The following COL13A1 variants were observed in gnomAD, a reference collection of about 807,000 sequenced individuals.
The protein encoded by COL13A1 is collagen alpha-1(XIII) chain.
Under a neutral mutation model 130.9 loss-of-function variants are expected in COL13A1, and 89 were observed. The observed-to-expected ratio is 0.68, with a 90% CI of 0.57 to 0.81. The LOEUF is 0.81. Among genes scored for constraint, COL13A1 ranks in the 30% least tolerant of loss-of-function variants. The pLI, the probability that COL13A1 is intolerant of heterozygous loss-of-function variation, is 0.00. For missense variants in COL13A1, 879 were observed against 934.6 expected, an observed-to-expected ratio of 0.94 and a Z score of 0.78; for synonymous variants, 402 against 341.6, an observed-to-expected ratio of 1.18 and a Z score of -1.95.
chr10:69,829,805 T>G (rs1185843113), intron 2 of COL13A1, among the ~76,000 whole-genome samples: 1 of 152,236 alleles, frequency 6.6e-6, no homozygotes, highest in Non-Finnish European at 1.5e-5. Context: ...GCTAAAATGC[T>G]CCACCATCTG....
At chr10:69,903,698 CCTT>C (rs2062436756) in intron 15 of COL13A1, among the ~76,000 whole-genome samples, 1 of 152,156 alleles carries the variant, frequency 6.6e-6, no homozygotes, top group African/African-American at 2.4e-5. Flanking sequence ...ACCTGTTTTT[CCTT>C]CTTATGACAA....
intron 26 of COL13A1, among the ~76,000 whole-genome samples, chr10:69,926,566 T>C (rs1287161792): frequency 6.6e-6 from 1 of 152,252 alleles, no homozygotes; most frequent in Non-Finnish European, 1.5e-5. Flanking sequence ...TCTGTGTCCG[T>C]ATGTGACTCC....
chr10:69,927,644 C>T (rs905977542), intron 27 of COL13A1, among the ~76,000 whole-genome samples: 1 of 152,124 alleles, frequency 6.6e-6, no homozygotes, highest in African/African-American at 2.4e-5. Flanking sequence ...TGACTACCAC[C>T]AAGTTTAACT....
intron 2 of COL13A1, among the ~76,000 whole-genome samples, chr10:69,834,106 G>C (rs967929351): frequency 6.6e-6 from 1 of 152,286 alleles, no homozygotes; most frequent in Admixed American, 6.5e-5. Context: ...TCCATGTATG[G>C]GGATGGGGGG....
intron 2 of COL13A1, among the ~76,000 whole-genome samples, chr10:69,858,623 G>T (rs146209402): frequency 7.9e-5 from 12 of 152,334 alleles, no homozygotes; most frequent in Non-Finnish European, 1.6e-4. Context: ...TTCGTGATCA[G>T]TCCTCACTGG....
chr10:69,907,227 A>G (rs1423509757), intron 17 of COL13A1, among the ~76,000 whole-genome samples: 4 of 152,322 alleles, frequency 2.6e-5, no homozygotes, highest in African/African-American at 7.2e-5. Flanking sequence ...CAGAAACTGC[A>G]TTATTTTTAG....
At chr10:69,923,970 C>T in intron 24 of COL13A1, 115 bp downstream of exon 24, 2 of 1,361,608 alleles carry the variant, frequency 1.5e-6, no homozygotes, top group Non-Finnish European at 1.0e-6. Flanking sequence ...CCGGCCATGA[C>T]CACTGGCTTC....
At chr10:69,831,430 G>T (rs1249192602) in intron 2 of COL13A1, among the ~76,000 whole-genome samples, 1 of 152,140 alleles carries the variant, frequency 6.6e-6, no homozygotes, top group African/African-American at 2.4e-5. Flanking sequence ...CACAGCTGGG[G>T]GCCCTTTTTC....
chr10:69,813,327 G>A lies in COL13A1; in HGVS notation c.295-9042G>A, dbSNP rs61204432. ...CTGGGGCCCGGTTCCTTGACTCCTT[G>A]CGGCAGTAGCAGGGCCTTGGGTTAG... On this transcript the variant is annotated intron_variant, in intron 1 of 40. Transcript: ENST00000645393. Among the ~76,000 whole-genome samples the A allele has an allele frequency of 5.4e-4, 82 of 152,244 alleles. 2 individuals carry two copies. In the East Asian group the frequency reaches 0.016, roughly 29 times the overall value.
At chr10:69,812,470 T>C (rs1843313988) in intron 1 of COL13A1, among the ~76,000 whole-genome samples, 1 of 152,184 alleles carries the variant, frequency 6.6e-6, no homozygotes, top group Non-Finnish European at 1.5e-5. Context: ...GTGCTTTGAG[T>C]AGTGACTGGT....
intron 10 of COL13A1, among the ~76,000 whole-genome samples, chr10:69,892,683 C>T (rs1293711060): frequency 6.6e-6 from 1 of 152,196 alleles, no homozygotes; most frequent in Non-Finnish European, 1.5e-5. Flanking sequence ...TCACCGGTGG[C>T]CATGGCCCTT....
At chr10:69,952,999 T>C in intron 39 of COL13A1, 31 bp downstream of exon 39, 1 of 1,462,728 alleles carries the variant, frequency 6.8e-7, no homozygotes, top group Non-Finnish European at 9.1e-7. Flanking sequence ...TGCATTGTTC[T>C]GGTTTTTGTT....
intron 30 of COL13A1, among the ~76,000 whole-genome samples, chr10:69,932,241 T>C (rs897824171): frequency 6.6e-6 from 1 of 152,206 alleles, no homozygotes; most frequent in Admixed American, 6.5e-5. Context: ...ATGACATGTA[T>C]GTTATAATCT....
chr10:69,872,099 G>A, intron 3 of COL13A1, 85 bp from the exon 4 acceptor site: 1 of 1,534,806 alleles, frequency 6.5e-7, no homozygotes, highest in Non-Finnish European at 9.0e-7. Context: ...GGCATGCCAA[G>A]GTCACACAGC....
Position 69,822,396 on chromosome 10 carries a change from C to T in COL13A1, c.322C>T (p.Arg108Trp), listed in dbSNP as rs369069612. The T allele has an allele frequency of 5.6e-6, 9 of 1,593,548 alleles. No homozygotes were observed. Among genetic ancestry groups the T allele is most frequent in the East Asian group, 2.3e-5 (1 of 43,718 alleles). ...EKWKLHSRRR[R>W]EAPKTSPGCN... is the part of the protein sequence containing the mutation. ...ATGGAAGCTCCACTCAAGGAGGCGCCGGGAGGCCCCAAAGACATCTCCAGG... is the reference window on the plus strand; with the variant it reads ...ATGGAAGCTCCACTCAAGGAGGCGCTGGGAGGCCCCAAAGACATCTCCAGG... Residue 108 changes from arginine (R) to tryptophan (W), a missense_variant, in exon 2 of 41, where the codon CGG (arginine) becomes TGG (tryptophan). Arg to Trp is a moderately radical substitution (Grantham distance 101). This residue lies in a region of COL13A1 where 715 missense variants were observed against 721.0 expected (regional missense o/e 0.99). Coordinates refer to ENST00000645393, the MANE Select transcript of COL13A1 (RefSeq NM_001368882.1).
chr10:69,954,301 G>A (rs564130270), intron 39 of COL13A1, among the ~76,000 whole-genome samples: 3 of 152,308 alleles, frequency 2.0e-5, no homozygotes, highest in Non-Finnish European at 4.4e-5. Context: ...CTTGATGCCA[G>A]CCAGCTCTCC....
At chr10:69,908,965 G>T (rs928645840) in intron 17 of COL13A1, among the ~76,000 whole-genome samples, 3 of 152,156 alleles carry the variant, frequency 2.0e-5, no homozygotes, top group Non-Finnish European at 4.4e-5. Flanking sequence ...AGGGAGTTCT[G>T]GTCACCAGAG....
At chr10:69,818,966 G>A (rs907039066) in intron 1 of COL13A1, among the ~76,000 whole-genome samples, 18 of 152,100 alleles carry the variant, frequency 1.2e-4, no homozygotes, top group African/African-American at 4.1e-4. Context: ...TCCCACTCCC[G>A]ACTCAACACC....
At position 69,899,942 on chromosome 10, in the gene COL13A1, T is replaced by C. The variant is rs76720829; in HGVS notation, c.750+1180T>C. ...AGGGCCTAGATGTTCAGGCACCTGATTGAACAAGGCTGAAAAATCCCTCCA... is the reference window on the plus strand; with the variant it reads ...AGGGCCTAGATGTTCAGGCACCTGACTGAACAAGGCTGAAAAATCCCTCCA... On this transcript the variant is annotated intron_variant, in intron 14 of 40. Coordinates refer to ENST00000645393, the MANE Select transcript of COL13A1 (RefSeq NM_001368882.1). 7.0e-3 allele frequency among the ~76,000 whole-genome samples: 1,067 copies of C among 152,304 alleles called. 4 individuals carry two copies. Among genetic ancestry groups the C allele is most frequent in the Non-Finnish European group, 0.013 (860 of 68,018 alleles).
Sources: allele counts gnomAD v4.1 joint callset (sites outside exome capture counted in the v4.1 genomes callset), GRCh38; gene constraint gnomAD v4.1.1; regional missense constraint gnomAD v4.1.1; transcripts MANE v1.5; gene names NCBI Gene and HGNC (gene_info 2026-07-23, HGNC 2026-07-21).